The following PCDHGA7 variants were observed in gnomAD, a reference collection of about 807,000 sequenced individuals.
The protein encoded by PCDHGA7 is protocadherin gamma subfamily A, 7.
A neutral mutation model predicts 58.3 loss-of-function variants in PCDHGA7; 44 were observed. The observed-to-expected ratio is 0.75, with a 90% CI of 0.59 to 0.97. The LOEUF (loss-of-function observed/expected upper bound fraction) is 0.97, where lower values mean the gene tolerates loss of function less well. Among genes scored for constraint, PCDHGA7 ranks in the 50% least tolerant of loss-of-function variants. The pLI, the probability that PCDHGA7 is intolerant of heterozygous loss-of-function variation, is 0.00. For synonymous variants in PCDHGA7, 516 were observed against 504.2 expected (o/e 1.02, Z -0.31); for missense variants, 1,266 against 1,188.7 (o/e 1.06, Z -0.96).
rs1475330366 is a variant in PCDHGA7, at chr5:141,383,550, C to T, written c.651C>T (p.Gly217=). Residue 217 remains glycine (G), a synonymous_variant, in exon 1 of 4, where the codon GGC becomes GGT. Coordinates refer to ENST00000518325, the MANE Select transcript of PCDHGA7 (RefSeq NM_018920.4). ...VHHLVLTASD[G]GDPPRSSTAH... ...ACCTGGTCCTCACAGCCTCTGATGG[C>T]GGCGACCCGCCCCGATCCAGCACCG... 3 of 1,611,980 alleles carry T rather than the reference C, an allele frequency of 1.9e-6. No homozygotes were observed. Among genetic ancestry groups the T allele is most frequent in the Non-Finnish European group, 1.7e-6 (2 of 1,179,292 alleles).
Position 141,431,112 on chromosome 5 carries a change from GAGTAGA to G in PCDHGA7, c.2424+45800_2424+45805del, listed in dbSNP as rs764068262. On this transcript the variant is annotated intron_variant, in intron 1 of 3. Transcript: ENST00000518325. The surrounding 1 kb of genome is among the most constrained non-coding windows in gnomAD (Gnocchi z 4.8). ...ATGGAGGATAAAGTGAAAATATATG[GAGTAGA>G]AGTAGAAGTAAGGGACATTAACGAC... The G allele has an allele frequency of 1.7e-5, 28 of 1,614,128 alleles. No individual in the cohort carries two copies. The highest frequency in any genetic ancestry group is 3.3e-5 in the South Asian group (3 of 91,092).
intron 1 of PCDHGA7, among the ~76,000 whole-genome samples, chr5:141,460,764 G>A (rs2098996981): frequency 6.6e-6 from 1 of 150,516 alleles, no homozygotes; most frequent in Admixed American, 6.7e-5. Flanking sequence ...TATACATATT[G>A]CATATGTATG....
rs1258238617 is a variant in PCDHGA7, at chr5:141,409,461, T to A, written c.2424+24138T>A. On this transcript the variant is annotated intron_variant, in intron 1 of 3. Coordinates refer to ENST00000518325, the MANE Select transcript of PCDHGA7 (RefSeq NM_018920.4). ...CGAGAGCAGACACCAGAATACAATG[T>A]CACCATCGTAGCCACTGACAGGGGC... The A allele has an allele frequency of 5.0e-6, 8 of 1,613,928 alleles. No homozygotes were observed. In the Admixed American group the frequency reaches 1.3e-4, roughly 27 times the overall value.
chr5:141,470,708 A>T (rs1293545270), intron 1 of PCDHGA7, among the ~76,000 whole-genome samples: 1 of 151,804 alleles, frequency 6.6e-6, no homozygotes. Flanking sequence ...TTTTTATTTT[A>T]TTTTTTTGAG....
intron 1 of PCDHGA7, chr5:141,479,494 G>C (rs747201739): frequency 2.6e-5 from 4 of 152,256 alleles, no homozygotes; most frequent in Non-Finnish European, 5.9e-5. Flanking sequence ...CCATCAGGTT[G>C]CCTAAAGAGG....
intron 1 of PCDHGA7, chr5:141,404,445 G>GT: frequency 6.2e-7 from 1 of 1,613,280 alleles, no homozygotes; most frequent in Non-Finnish European, 8.5e-7. Context: ...ACCATCCAAG[G>GT]GTCTCCTCTC....
At chr5:141,500,488 C>A (rs569168291) in intron 2 of PCDHGA7, among the ~76,000 whole-genome samples, 2 of 152,060 alleles carry the variant, frequency 1.3e-5, no homozygotes, top group East Asian at 3.9e-4. Flanking sequence ...GGATTACAGG[C>A]GTGAGCCACC....
At chr5:141,428,010 G>A in intron 1 of PCDHGA7, 1 of 1,603,006 alleles carries the variant, frequency 6.2e-7, no homozygotes, top group Non-Finnish European at 8.5e-7. Flanking sequence ...CTTCGATATA[G>A]TGCCACGCGC....
intron 1 of PCDHGA7, among the ~76,000 whole-genome samples, chr5:141,429,387 T>TAA (rs11410533): frequency 2.6e-5 from 4 of 151,334 alleles, no homozygotes; most frequent in African/African-American, 4.9e-5. Flanking sequence ...GTTTTTTTTT[T>TAA]AAAAAAAATT....
At chr5:141,474,893 T>C (rs1406276730) in intron 1 of PCDHGA7, among the ~76,000 whole-genome samples, 1 of 152,256 alleles carries the variant, frequency 6.6e-6, no homozygotes, top group East Asian at 1.9e-4. Flanking sequence ...TAGAGGTTCA[T>C]TTCTTGTTCA....
In PCDHGA7 at chr5:141,491,149, G is replaced by T; in HGVS notation, c.2425-3658G>T. 6.8e-6 allele frequency: 11 copies of T among 1,614,152 alleles called. No homozygotes were observed. The highest frequency in any genetic ancestry group is 9.3e-6 in the Non-Finnish European group (11 of 1,180,010). On this transcript the variant is annotated intron_variant, in intron 1 of 3. Transcript: ENST00000518325. This position sits in a 1 kb window ranked among gnomAD's most constrained non-coding sequence, Gnocchi z 6.9. ...GCGCACAGCCCGGGCCTTACTGGAGGATGACTCTGACACCCAGCAGGTGGT... is the reference window on the plus strand; with the variant it reads ...GCGCACAGCCCGGGCCTTACTGGAGTATGACTCTGACACCCAGCAGGTGGT...
chr5:141,490,908 C>T lies in PCDHGA7; in HGVS notation c.2425-3899C>T, dbSNP rs201078924. On this transcript the variant is annotated intron_variant, in intron 1 of 3. Coordinates refer to ENST00000518325, the MANE Select transcript of PCDHGA7 (RefSeq NM_018920.4). This position sits in a 1 kb window ranked among gnomAD's most constrained non-coding sequence, Gnocchi z 5.4. The stretch of plus-strand genomic sequence containing the variant: ...CATCTCTGCATGTGTTTGTCCTAGA[C>T]GAGAATGATAATGCCCCAGCTGTGC... 42 of 1,613,710 alleles carry T rather than the reference C, an allele frequency of 2.6e-5. No homozygotes were observed. The highest frequency in any genetic ancestry group is 8.3e-5 in the Admixed American group (5 of 60,018).
chr5:141,455,616 A>G (rs2154565146), intron 1 of PCDHGA7, among the ~76,000 whole-genome samples: 1 of 152,244 alleles, frequency 6.6e-6, no homozygotes, highest in South Asian at 2.1e-4. Flanking sequence ...GGATGTTCTA[A>G]ACACGTGGAG....
At chr5:141,421,781 G>A (rs1482347889) in intron 1 of PCDHGA7, 1 of 1,613,856 alleles carries the variant, frequency 6.2e-7, no homozygotes, top group Non-Finnish European at 8.5e-7. Context: ...CAACTGCGGG[G>A]CAGAACGGAT....
In PCDHGA7 at chr5:141,410,593, G is replaced by C. The variant is rs921521742; in HGVS notation, c.2424+25270G>C. ...TTCCACCTCATGGTGGGGAGGATTT[G>C]ACTTCACATCCTGAGACTCTGACTT... On this transcript the variant is annotated intron_variant, in intron 1 of 3. Coordinates refer to ENST00000518325, the MANE Select transcript of PCDHGA7 (RefSeq NM_018920.4). The C allele has an allele frequency of 2.5e-6, 4 of 1,608,934 alleles. No individual in the cohort carries two copies. In the African/African-American group the frequency reaches 5.3e-5, roughly 21 times the overall value.
At chr5:141,399,942 G>A (rs780939486) in intron 1 of PCDHGA7, 12 of 1,612,140 alleles carry the variant, frequency 7.4e-6, no homozygotes, top group Middle Eastern at 1.9e-4. Context: ...ACCACGTGCT[G>A]CAGGCTAGCG....
At chr5:141,406,259 ATCT>A (rs1419106691) in intron 1 of PCDHGA7, among the ~76,000 whole-genome samples, 1 of 151,904 alleles carries the variant, frequency 6.6e-6, no homozygotes, top group East Asian at 1.9e-4. Flanking sequence ...GTCTCAAACG[ATCT>A]TCCTGCTTCA....
chr5:141,500,207 T>G (rs932015076), intron 2 of PCDHGA7, among the ~76,000 whole-genome samples: 2 of 150,136 alleles, frequency 1.3e-5, no homozygotes, highest in African/African-American at 4.9e-5. Context: ...TTTATTTATT[T>G]ATTTATTTAT....
At chr5:141,410,849 C>CTTTTTTTTTTTTTTTTTTTCTT (rs2095436178) in intron 1 of PCDHGA7, 1 of 129,786 alleles carries the variant, frequency 7.7e-6, no homozygotes, top group Non-Finnish European at 1.3e-5. Context: ...TTGTCTTTGT[C>CTTTTTTTTTTTTTTTTTTTCTT]TTTTTTTTTT....
Sources: gnomAD v4.1 joint callset for allele counts (sites outside exome capture counted in the v4.1 genomes callset) on GRCh38, gnomAD v4.1.1 for gene constraint, Gnocchi (gnomAD v3.1) non-coding constraint, MANE v1.5 for transcripts, NCBI Gene and HGNC (gene_info 2026-07-23, HGNC 2026-07-21) for gene names.